FA2H: variants seen among roughly 807,000 people sequenced by gnomAD.
The protein encoded by FA2H is fatty acid 2-hydroxylase, also known as fatty acid alpha-hydroxylase.
FA2H carries 22 observed loss-of-function variants against 44.9 expected under a neutral mutation model. The ratio of observed to expected loss-of-function variants is 0.49; its 90% CI spans 0.35 to 0.70. The LOEUF is 0.70. Among genes scored for constraint, FA2H ranks in the 30% least tolerant of loss-of-function variants. The pLI is 0.01. For missense variants in FA2H, 501 were observed against 504.9 expected, an observed-to-expected ratio of 0.99 and a Z score of 0.07; for synonymous variants, 243 against 213.2, an observed-to-expected ratio of 1.14 and a Z score of -1.22.
chr16:74,738,753 T>C (rs1161704996), intron 2 of FA2H, among the ~76,000 whole-genome samples: 1 of 132,330 alleles, frequency 7.6e-6, no homozygotes, highest in South Asian at 2.2e-4. Context: ...GATCTCCCCC[T>C]GTTCCAGACT....
chr16:74,739,285 C>G (rs1226157495), intron 2 of FA2H, among the ~76,000 whole-genome samples: 1 of 152,144 alleles, frequency 6.6e-6, no homozygotes, highest in Admixed American at 6.5e-5. Flanking sequence ...GGTTTATGGA[C>G]ATGCACATTT....
chr16:74,761,688 C>T (rs1241233363), intron 1 of FA2H, among the ~76,000 whole-genome samples: 1 of 152,170 alleles, frequency 6.6e-6, no homozygotes, highest in African/African-American at 2.4e-5. Flanking sequence ...CAACTTTGCC[C>T]TGCCCATCTA....
intron 2 of FA2H, among the ~76,000 whole-genome samples, chr16:74,730,325 G>T (rs189529699): frequency 3.5e-4 from 53 of 152,192 alleles, no homozygotes; most frequent in African/African-American, 1.3e-3. Context: ...GGGTTGGGGG[G>T]TTCACTTCCT....
At chr16:74,752,759 C>G (rs1278018884) in intron 1 of FA2H, among the ~76,000 whole-genome samples, 1 of 152,202 alleles carries the variant, frequency 6.6e-6, no homozygotes, top group Non-Finnish European at 1.5e-5. Context: ...GCCCCCAAGA[C>G]AAACTGGGGC....
intron 2 of FA2H, among the ~76,000 whole-genome samples, chr16:74,735,806 C>T (rs1031844837): frequency 6.6e-6 from 1 of 152,144 alleles, no homozygotes; most frequent in East Asian, 1.9e-4. Context: ...ATAGCAAGAC[C>T]CTATCTCTAC....
At chr16:74,726,394 C>CTTT in intron 3 of FA2H, 63 bp from the exon 4 acceptor site, 1 of 778,104 alleles carries the variant, frequency 1.3e-6, no homozygotes, top group Non-Finnish European at 2.1e-6. Flanking sequence ...GTACAGCTTT[C>CTTT]TTTTTTTTTT....
At chr16:74,739,606 C>T in intron 2 of FA2H, among the ~76,000 whole-genome samples, 1 of 152,222 alleles carries the variant, frequency 6.6e-6, no homozygotes, top group Admixed American at 6.5e-5. Context: ...CAGCAGTCTC[C>T]TGTGCCCTGC....
At chr16:74,715,764 C>T (rs933096648) in intron 6 of FA2H, among the ~76,000 whole-genome samples, 2 of 152,098 alleles carry the variant, frequency 1.3e-5, no homozygotes, top group African/African-American at 4.8e-5. Flanking sequence ...GCTGGACCCT[C>T]CCCCACCTAT....
intron 1 of FA2H, among the ~76,000 whole-genome samples, chr16:74,742,204 T>C (rs766957263): frequency 1.3e-5 from 2 of 152,224 alleles, no homozygotes; most frequent in Non-Finnish European, 2.9e-5. Flanking sequence ...CCAAGACTCC[T>C]GCCATGTGGT....
chr16:74,723,022 C>T (rs1187093113), intron 4 of FA2H, among the ~76,000 whole-genome samples: 1 of 152,094 alleles, frequency 6.6e-6, no homozygotes, highest in Non-Finnish European at 1.5e-5. Context: ...TAGTCCACCT[C>T]TAAGCTGGCT....
intron 2 of FA2H, among the ~76,000 whole-genome samples, chr16:74,736,411 C>T (rs1235076043): frequency 6.6e-6 from 1 of 152,138 alleles, no homozygotes; most frequent in African/African-American, 2.4e-5. Context: ...GGCTGGTCCC[C>T]CCGAGAGTGT....
At chr16:74,769,408 T>C (rs1171073962) in intron 1 of FA2H, among the ~76,000 whole-genome samples, 1 of 152,132 alleles carries the variant, frequency 6.6e-6, no homozygotes, top group Non-Finnish European at 1.5e-5. Flanking sequence ...CCATTCCCTT[T>C]AAAGTGCACG....
Position 74,741,773 on chromosome 16 carries a change from AATATATATATAT to A in FA2H, c.271-1670_271-1659del, listed in dbSNP as rs57773726. ...ACCGTGCTGGGCCAACACCTGATTAAATATATATATATATATATATATATATATATATATATG... is the reference window on the plus strand; with the variant it reads ...ACCGTGCTGGGCCAACACCTGATTAAATATATATATATATATATATATATG... On this transcript the variant is annotated intron_variant, in intron 1 of 6. Transcript: ENST00000219368. Among the ~76,000 whole-genome samples the A allele has an allele frequency of 2.7e-3, 129 of 48,060 alleles. 1 individual carries two copies. The highest frequency in any genetic ancestry group is 3.6e-3 in the African/African-American group (30 of 8,390). 31.5% of individuals were successfully genotyped at this position (48,060 alleles called of 152,430 possible). A position where few individuals can be genotyped will look rare whatever the true frequency, so the allele number is the denominator to read the frequency against.
intron 2 of FA2H, among the ~76,000 whole-genome samples, chr16:74,733,740 C>A (rs554485453): frequency 3.6e-4 from 55 of 152,274 alleles, no homozygotes; most frequent in African/African-American, 1.3e-3. Context: ...AGACACATTT[C>A]GCTTCCTGCT....
chr16:74,745,868 C>T (rs1962412744), intron 1 of FA2H, among the ~76,000 whole-genome samples: 1 of 150,504 alleles, frequency 6.6e-6, no homozygotes, highest in South Asian at 2.1e-4. Context: ...TGCAGTGGCA[C>T]CATCTTGTCT....
In FA2H at chr16:74,749,871, T is replaced by C. The variant is rs138851255; in HGVS notation, c.271-9756A>G. Among the ~76,000 whole-genome samples the C allele has an allele frequency of 3.8e-3, 577 of 152,214 alleles. 4 individuals are homozygous for C. Among genetic ancestry groups the C allele is most frequent in the African/African-American group, 0.013 (558 of 41,528 alleles). On this transcript the variant is annotated intron_variant, in intron 1 of 6. Coordinates refer to ENST00000219368, the MANE Select transcript of FA2H (RefSeq NM_024306.5). ...ACTGAGTCAGGGAGACACGTGGGTT[T>C]TTCCAGTGAATGCTGGACTTGGGGA...
chr16:74,736,392 C>T (rs944494290), intron 2 of FA2H, among the ~76,000 whole-genome samples: 9 of 152,148 alleles, frequency 5.9e-5, no homozygotes, highest in Admixed American at 4.6e-4. Context: ...CCAGTGCCCA[C>T]AGTGCCAAGG....
intron 1 of FA2H, among the ~76,000 whole-genome samples, chr16:74,744,159 C>T (rs929154959): frequency 1.1e-4 from 16 of 152,158 alleles, no homozygotes; most frequent in African/African-American, 1.7e-4. Context: ...ACTCCCGCCC[C>T]GGTGTTTATT....
intron 1 of FA2H, among the ~76,000 whole-genome samples, chr16:74,772,873 T>G (rs2144670508): frequency 6.6e-6 from 1 of 152,262 alleles, no homozygotes; most frequent in African/African-American, 2.4e-5. Context: ...ACCCATCATG[T>G]AGGCATCTTA....
Sources: gnomAD v4.1 joint callset for allele counts (sites outside exome capture counted in the v4.1 genomes callset) on GRCh38, gnomAD v4.1.1 for gene constraint, MANE v1.5 for transcripts, NCBI Gene and HGNC (gene_info 2026-07-23, HGNC 2026-07-21) for gene names.